The following MRTFB variants were observed in gnomAD, a reference collection of about 807,000 sequenced individuals.
The protein encoded by MRTFB is myocardin-related transcription factor B.
MRTFB carries 29 observed loss-of-function variants against 104.2 expected under a neutral mutation model. That is an observed-to-expected ratio of 0.28 (90% CI 0.21 to 0.38). The LOEUF (loss-of-function observed/expected upper bound fraction) is 0.38, where lower values mean the gene tolerates loss of function less well. Ranked by LOEUF, MRTFB falls within the 10% of genes least tolerant of loss-of-function variation. The probability of loss-of-function intolerance (pLI) is 1.00; values close to 1 mark genes in which losing one functional copy is unlikely to be tolerated. For synonymous variants in MRTFB, 535 were observed against 519.5 expected (o/e 1.03, Z -0.41); for missense variants, 1,270 against 1,341.6 (o/e 0.95, Z 0.83).
At chr16:14,039,143 G>A in the MRTFB span, among the ~76,000 whole-genome samples, 1 of 152,340 alleles carries the variant, frequency 6.6e-6, no homozygotes, top group South Asian at 2.1e-4. Context: ...TGAGATTGCA[G>A]TGATCTAAAG....
the MRTFB span, among the ~76,000 whole-genome samples, chr16:14,052,545 C>A: frequency 3.3e-5 from 5 of 151,976 alleles, no homozygotes; most frequent in Admixed American, 6.6e-5. Flanking sequence ...TTGAGACCAA[C>A]CTGACCAACA....
chr16:14,247,423 G>A lies in MRTFB; in HGVS notation c.2163G>A (p.Gln721=). The change falls in exon 12 of 17, where the codon CAG becomes CAA. Residue 721 remains glutamine, a synonymous_variant. Coordinates refer to ENST00000571589, the MANE Select transcript of MRTFB (RefSeq NM_001308142.2). ...VAQPQALLTT[Q]TAQLLLPVSI... ...AGCCCCAGGCTTTACTGACCACGCA[G>A]ACTGCTCAGCTGCTGCTCCCAGTGT... 1.2e-6 allele frequency: 2 copies of A among 1,610,654 alleles called. No individual in the cohort carries two copies. The highest frequency in any genetic ancestry group is 2.2e-5 in the South Asian group (2 of 90,964).
chr16:14,016,821 C>T, the MRTFB span, among the ~76,000 whole-genome samples: 1 of 148,892 alleles, frequency 6.7e-6, no homozygotes, highest in African/African-American at 2.5e-5. Flanking sequence ...ATTCCCAGGC[C>T]GTATGGTGGT....
Position 14,210,891 on chromosome 16 carries a change from C to T in MRTFB, c.220+583C>T, listed in dbSNP as rs1204888494. ...GTTGATTAATTTTAGAATGTTTGTT[C>T]TAGTTGTTTCTTTACCTTTAGTCAC... On this transcript the variant is annotated intron_variant, in intron 4 of 16. Transcript: ENST00000571589. Among the ~76,000 whole-genome samples, 3 of 151,952 alleles carry T rather than the reference C, an allele frequency of 2.0e-5. No homozygotes were observed. In the East Asian group the frequency reaches 5.8e-4, roughly 29 times the overall value.
At chr16:14,155,343 GTTATAT>G (rs2038789942) in intron 3 of MRTFB, among the ~76,000 whole-genome samples, 1 of 151,350 alleles carries the variant, frequency 6.6e-6, no homozygotes, top group Non-Finnish European at 1.5e-5. Flanking sequence ...GTTTCTCCAT[GTTATAT>G]TTATGTTTTA....
chr16:14,031,343 G>A, the MRTFB span, among the ~76,000 whole-genome samples: 3 of 151,144 alleles, frequency 2.0e-5, no homozygotes, highest in Admixed American at 1.3e-4. Context: ...GCAGTGAGCC[G>A]AGATTGTGCC....
At chr16:14,161,085 CTTTTTTTTTT>C (rs57360069) in intron 3 of MRTFB, among the ~76,000 whole-genome samples, 1 of 53,130 alleles carries the variant, frequency 1.9e-5, no homozygotes, top group Non-Finnish European at 3.4e-5. Context: ...AATGCCAGGA[CTTTTTTTTTT>C]TTTTTTTTTT....
chr16:14,205,260 A>G (rs1328905326), intron 3 of MRTFB, among the ~76,000 whole-genome samples: 1 of 152,140 alleles, frequency 6.6e-6, no homozygotes, highest in Non-Finnish European at 1.5e-5. Flanking sequence ...TCATGTGTGA[A>G]AAGATTTTTT....
At chr16:14,005,541 A>C in the MRTFB span, among the ~76,000 whole-genome samples, 1,323 of 152,244 alleles carry the variant, frequency 8.7e-3, 19 homozygotes, top group African/African-American at 0.031. Flanking sequence ...TAAAGCCCAG[A>C]GGTATTTAGT....
At chr16:14,066,264 ATTTAT>A in the MRTFB span, among the ~76,000 whole-genome samples, 4 of 150,480 alleles carry the variant, frequency 2.7e-5, no homozygotes, top group Non-Finnish European at 4.4e-5. Context: ...TGATTTTTTT[ATTTAT>A]TTTATTATTA....
At chr16:14,172,173 C>T (rs1297580485) in intron 3 of MRTFB, among the ~76,000 whole-genome samples, 2 of 152,144 alleles carry the variant, frequency 1.3e-5, no homozygotes, top group Admixed American at 6.6e-5. Context: ...TGTGTCCCCA[C>T]CCAATGAAGG....
chr16:14,037,798 G>A, the MRTFB span, among the ~76,000 whole-genome samples: 6 of 152,194 alleles, frequency 3.9e-5, no homozygotes, highest in African/African-American at 1.4e-4. Flanking sequence ...GAGTTCAGCG[G>A]ATGTCAGCCA....
At chr16:14,195,206 A>G (rs75602860) in intron 3 of MRTFB, among the ~76,000 whole-genome samples, 2,626 of 152,326 alleles carry the variant, frequency 0.017, 82 homozygotes, top group African/African-American at 0.059. Context: ...TCCACATACT[A>G]CTGACATTGA....
chr16:14,186,854 C>T, intron 3 of MRTFB: 1 of 1,596,576 alleles, frequency 6.3e-7, no homozygotes, highest in Non-Finnish European at 8.5e-7. Context: ...CCGCACTTCG[C>T]TCTTCTGCAA....
the MRTFB span, among the ~76,000 whole-genome samples, chr16:14,041,156 C>T: frequency 4.1e-5 from 5 of 122,836 alleles, no homozygotes; most frequent in South Asian, 3.0e-4. Flanking sequence ...GAGTGGGGGG[C>T]GGGGAGAGGA....
chr16:14,261,182 A>G lies in MRTFB; in HGVS notation c.3038A>G (p.Glu1013Gly). 6.2e-7 allele frequency: 1 copy of G among 1,614,202 alleles called. No homozygotes were observed. ...SEDREPFSLI[E>G]DLQNDLLSHS... ...GACAGAGAGCCCTTCTCTCTGATCGAGGACCTCCAGAATGATCTGCTGAGT... is the reference window on the plus strand; with the variant it reads ...GACAGAGAGCCCTTCTCTCTGATCGGGGACCTCCAGAATGATCTGCTGAGT... The change falls in exon 17 of 17, where the codon GAG (glutamate) becomes GGG (glycine). Residue 1013 changes from glutamate to glycine, a missense_variant. Around this residue, in one of 3 missense-constraint regions of MRTFB, gnomAD observed 1,144 missense variants for 1,131.5 expected, o/e 1.01. Transcript: ENST00000571589.
chr16:14,194,175 C>T (rs1460947114), intron 3 of MRTFB, among the ~76,000 whole-genome samples: 5 of 152,182 alleles, frequency 3.3e-5, no homozygotes, highest in African/African-American at 9.7e-5. Context: ...TGTGTCTTCC[C>T]AGTTGTATTT....
At chr16:14,149,048 A>G (rs2142752077) in intron 3 of MRTFB, among the ~76,000 whole-genome samples, 1 of 152,336 alleles carries the variant, frequency 6.6e-6, no homozygotes, top group East Asian at 1.9e-4. Context: ...TATTTAAAGA[A>G]GAGAGTAATT....
chr16:14,173,305 G>A (rs920819363), intron 3 of MRTFB, among the ~76,000 whole-genome samples: 2 of 152,202 alleles, frequency 1.3e-5, no homozygotes, highest in East Asian at 3.8e-4. Context: ...TTAACTTAGA[G>A]AAACTGACAT....
Sources: gnomAD v4.1 joint callset for allele counts (sites outside exome capture counted in the v4.1 genomes callset) on GRCh38, gnomAD v4.1.1 for gene constraint, gnomAD v4.1.1 regional missense constraint, MANE v1.5 for transcripts, NCBI Gene and HGNC (gene_info 2026-07-23, HGNC 2026-07-21) for gene names.